WDPCP: variants seen among roughly 807,000 people sequenced by gnomAD.
WDPCP encodes WD repeat containing planar cell polarity effector.
In WDPCP, 71 loss-of-function variants were observed where a neutral mutation model predicts 93.1. The ratio of observed to expected loss-of-function variants is 0.76; its 90% confidence interval spans 0.63 to 0.93. The LOEUF (loss-of-function observed/expected upper bound fraction) is 0.93, where lower values mean the gene tolerates loss of function less well. WDPCP is among the 40% of genes least tolerant of loss of function. The pLI is 0.00. For synonymous variants in WDPCP, 315 were observed against 315.0 expected (o/e 1.00, Z 0.00); for missense variants, 844 against 887.4 (o/e 0.95, Z 0.62).
chr2:63,678,078 G>T (rs1282720404), intron 2 of WDPCP, among the ~76,000 whole-genome samples: 2 of 152,086 alleles, frequency 1.3e-5, no homozygotes, highest in Non-Finnish European at 2.9e-5. Context: ...TGAAAATAGG[G>T]GTTCATTTTT....
intron 17 of WDPCP, among the ~76,000 whole-genome samples, chr2:63,142,366 A>G (rs1044171996): frequency 6.6e-6 from 1 of 152,102 alleles, no homozygotes; most frequent in Non-Finnish European, 1.5e-5. Context: ...ATAATTTTTT[A>G]ATTTCCATCT....
At chr2:63,786,826 A>AG (rs1670472785) in intron 2 of WDPCP, among the ~76,000 whole-genome samples, 1 of 152,262 alleles carries the variant, frequency 6.6e-6, no homozygotes, top group African/African-American at 2.4e-5. Flanking sequence ...AACAAATGTG[A>AG]GCACACAGAA....
intron 14 of WDPCP, among the ~76,000 whole-genome samples, chr2:63,248,752 G>A (rs527969480): frequency 4.6e-5 from 7 of 152,034 alleles, no homozygotes; most frequent in Admixed American, 6.6e-5. Context: ...TTCAAATATC[G>A]TATCATAAAG....
chr2:63,574,146 G>A (rs760170026), intron 1 of WDPCP, among the ~76,000 whole-genome samples: 14 of 152,094 alleles, frequency 9.2e-5, no homozygotes, highest in Non-Finnish European at 1.3e-4. Context: ...TGTGCAGCAC[G>A]TGATGTCTGT....
intron 14 of WDPCP, among the ~76,000 whole-genome samples, chr2:63,243,727 T>A (rs1235037889): frequency 6.6e-6 from 1 of 152,006 alleles, no homozygotes; most frequent in African/African-American, 2.4e-5. Flanking sequence ...TCTAGACCTA[T>A]GAAAAGACTA....
upstream of WDPCP, among the ~76,000 whole-genome samples, chr2:63,829,684 C>T (rs1671164025): frequency 6.6e-6 from 1 of 152,232 alleles, no homozygotes; most frequent in Admixed American, 6.5e-5. Flanking sequence ...TATCCTTTCG[C>T]TTCCTTCCAT....
rs1387869883 is a variant in WDPCP, at chr2:63,575,410, GTATATACAC to G, written c.75+12778_75+12786del. Among the ~76,000 whole-genome samples the G allele has an allele frequency of 5.9e-4, 66 of 111,498 alleles. 15 individuals carry two copies. Among genetic ancestry groups the G allele is most frequent in the African/African-American group, 3.0e-3 (61 of 20,614 alleles). 73.1% of individuals were successfully genotyped at this position (111,498 alleles called of 152,430 possible). A position where few individuals can be genotyped will look rare whatever the true frequency, so the allele number is the denominator to read the frequency against. ...ACACGGTATATACAGTATATATACA[GTATATACAC>G]TGTATACAGTGTATATACAGTGTAT... On this transcript the variant is annotated intron_variant, in intron 1 of 17. Transcript: ENST00000272321.
chr2:63,297,432 G>A (rs1684955812), intron 13 of WDPCP, among the ~76,000 whole-genome samples: 1 of 152,094 alleles, frequency 6.6e-6, no homozygotes, highest in Non-Finnish European at 1.5e-5. Flanking sequence ...GCTGTCAGGT[G>A]CATGTGCCAT....
intron 1 of WDPCP, among the ~76,000 whole-genome samples, chr2:63,824,237 C>G (rs537714393): frequency 6.6e-6 from 1 of 152,158 alleles, no homozygotes; most frequent in East Asian, 1.9e-4. Flanking sequence ...GACATGCCTG[C>G]TTCCTCTTCT....
chr2:63,302,054 C>G (rs1034526587), intron 13 of WDPCP, among the ~76,000 whole-genome samples: 22 of 152,304 alleles, frequency 1.4e-4, no homozygotes, highest in Non-Finnish European at 3.2e-4. Flanking sequence ...CGAAGGGAAC[C>G]ACCTCATGAT....
At chr2:63,774,977 C>A (rs1670281604) in intron 2 of WDPCP, among the ~76,000 whole-genome samples, 1 of 152,104 alleles carries the variant, frequency 6.6e-6, no homozygotes, top group Non-Finnish European at 1.5e-5. Context: ...TATAAGATTT[C>A]CTTGATATCC....
At chr2:63,742,235 G>T (rs142259941) in intron 2 of WDPCP, among the ~76,000 whole-genome samples, 246 of 151,772 alleles carry the variant, frequency 1.6e-3, no homozygotes, top group African/African-American at 5.5e-3. Context: ...GAAAGAAACA[G>T]GAAGAAGAGA....
chr2:63,359,924 A>G (rs1690314284), intron 12 of WDPCP: 1 of 152,206 alleles, frequency 6.6e-6, no homozygotes, highest in Non-Finnish European at 1.5e-5. Flanking sequence ...ACTAAAAACA[A>G]CAAAAATTAG....
chr2:63,322,179 G>C (rs1310768951), intron 12 of WDPCP, among the ~76,000 whole-genome samples: 1 of 152,124 alleles, frequency 6.6e-6, no homozygotes, highest in African/African-American at 2.4e-5. Context: ...TCAGCACTTT[G>C]TGTCTAGCTA....
At chr2:63,570,407 C>A (rs1050790583) in intron 1 of WDPCP, among the ~76,000 whole-genome samples, 14 of 152,162 alleles carry the variant, frequency 9.2e-5, no homozygotes, top group African/African-American at 3.1e-4. Flanking sequence ...TCCCCTTAAC[C>A]TTCACCTCAT....
At chr2:63,636,635 A>G (rs1469061569) in intron 3 of WDPCP, among the ~76,000 whole-genome samples, 1 of 152,134 alleles carries the variant, frequency 6.6e-6, no homozygotes, top group Non-Finnish European at 1.5e-5. Flanking sequence ...CAGGGTCTCA[A>G]TATGTTGTCC....
chr2:63,386,631 A>G (rs1469498197), intron 10 of WDPCP, among the ~76,000 whole-genome samples: 3 of 152,278 alleles, frequency 2.0e-5, no homozygotes, highest in East Asian at 3.9e-4. Context: ...AGTTTCTTCT[A>G]AAGTTGAACA....
intron 14 of WDPCP, among the ~76,000 whole-genome samples, chr2:63,207,825 TG>T (rs1676460877): frequency 1.3e-5 from 2 of 152,198 alleles, no homozygotes; most frequent in African/African-American, 4.8e-5. Context: ...TGTATTGCGT[TG>T]GTTTTTCTTC....
chr2:63,528,232 T>A (rs1347985349), intron 1 of WDPCP, among the ~76,000 whole-genome samples: 5 of 152,214 alleles, frequency 3.3e-5, no homozygotes, highest in Admixed American at 6.5e-5. Context: ...TAGATCCCAT[T>A]TGTCAATTTT....
Sources: allele counts gnomAD v4.1 joint callset (sites outside exome capture counted in the v4.1 genomes callset), GRCh38; gene constraint gnomAD v4.1.1; transcripts MANE v1.5; gene names NCBI Gene and HGNC (gene_info 2026-07-23, HGNC 2026-07-21).